The following IL31RA variants were observed in gnomAD, a reference collection of about 807,000 sequenced individuals.
The protein encoded by IL31RA is interleukin 31 receptor A, also known as interleukin-31 receptor subunit alpha.
Under a neutral mutation model 83.7 loss-of-function variants are expected in IL31RA, and 66 were observed. That is an observed-to-expected ratio of 0.79 (90% CI 0.65 to 0.97). IL31RA has a LOEUF of 0.97. Among genes scored for constraint, IL31RA ranks in the 50% least tolerant of loss-of-function variants. The pLI is 0.00. For missense variants in IL31RA, 798 were observed against 919.4 expected (o/e 0.87, Z 1.71); for synonymous variants, 325 against 329.0 (o/e 0.99, Z 0.13).
intron 8 of IL31RA, among the ~76,000 whole-genome samples, chr5:55,900,819 TTAC>T (rs1748762821): frequency 6.6e-6 from 1 of 152,246 alleles, no homozygotes; most frequent in African/African-American, 2.4e-5. Context: ...CTTATTTATT[TTAC>T]TACCTTTTTC....
At chr5:55,867,287 G>T (rs879429956) in intron 2 of IL31RA, among the ~76,000 whole-genome samples, 7,940 of 118,904 alleles carry the variant, frequency 0.067, 549 homozygotes, top group African/African-American at 0.21. Flanking sequence ...GCATGTGTGT[G>T]TGCATGTGTG....
At chr5:55,859,013 A>G (rs1198109984) in intron 1 of IL31RA, among the ~76,000 whole-genome samples, 2 of 152,236 alleles carry the variant, frequency 1.3e-5, no homozygotes, top group East Asian at 3.9e-4. Context: ...GCGGGAATTC[A>G]GAGAGGGCGT....
At chr5:55,847,578 TC>T (rs920897618), upstream of IL31RA, among the ~76,000 whole-genome samples, 1 of 152,014 alleles carries the variant, frequency 6.6e-6, no homozygotes, top group African/African-American at 2.4e-5. Flanking sequence ...CAAGACTCTG[TC>T]CCCCGCCAAA....
chr5:55,906,894 T>G (rs928446010), intron 9 of IL31RA, among the ~76,000 whole-genome samples: 5 of 152,110 alleles, frequency 3.3e-5, no homozygotes, highest in African/African-American at 1.2e-4. Flanking sequence ...TAATGAGGCT[T>G]TACCCTTTTA....
Position 55,910,641 on chromosome 5 carries a change from G to C in IL31RA, c.1611G>C (p.Gly537=). Reference sequence around the variant, plus strand: ...GCACCAGTGCTGGGGGAACCAACGGGACCAGCATAAATTTCAAGACATTGT... The same window carrying C: ...GCACCAGTGCTGGGGGAACCAACGGCACCAGCATAAATTTCAAGACATTGT... The part of the protein sequence containing the change: ...MASTSAGGTN[G]TSINFKTLSF... The change falls in exon 12 of 15, where the codon GGG becomes GGC. Residue 537 remains glycine, a synonymous_variant. Transcript: ENST00000652347. 6.2e-7 allele frequency: 1 copy of C among 1,614,148 alleles called. No homozygotes were observed. Among genetic ancestry groups the C allele is most frequent in the Non-Finnish European group, 8.5e-7 (1 of 1,180,008 alleles).
chr5:55,906,088 C>A lies in IL31RA; in HGVS notation c.1070-18C>A. On this transcript the variant is annotated intron_variant, in intron 8 of 14. Coordinates refer to ENST00000652347, the MANE Select transcript of IL31RA (RefSeq NM_139017.7). Reference sequence around the variant, plus strand: ...ATGAGTTGGGTAGCTGTGAAGCAGTCCTTTTCTCTCCTTTCAGCATTTCAG... The same window carrying A: ...ATGAGTTGGGTAGCTGTGAAGCAGTACTTTTCTCTCCTTTCAGCATTTCAG... 6.2e-7 allele frequency: 1 copy of A among 1,612,656 alleles called. No homozygotes were observed. The highest frequency in any genetic ancestry group is 1.1e-5 in the South Asian group (1 of 91,050).
chr5:55,841,074 G>A, the IL31RA span, among the ~76,000 whole-genome samples: 1 of 152,114 alleles, frequency 6.6e-6, no homozygotes, highest in South Asian at 2.1e-4. Context: ...CTCCATGGGG[G>A]GATGTAAATG....
chr5:55,911,004 G>A (rs562074279), intron 12 of IL31RA, among the ~76,000 whole-genome samples: 72 of 152,258 alleles, frequency 4.7e-4, no homozygotes, highest in African/African-American at 1.6e-3. Context: ...CTGTCTCCCC[G>A]TTCATAGTCA....
At chr5:55,858,160 T>G (rs1745465391) in intron 1 of IL31RA, among the ~76,000 whole-genome samples, 1 of 152,182 alleles carries the variant, frequency 6.6e-6, no homozygotes, top group Admixed American at 6.5e-5. Flanking sequence ...ATTGATAGGA[T>G]TTTAAATGCA....
intron 4 of IL31RA, among the ~76,000 whole-genome samples, chr5:55,876,883 T>C (rs1021169690): frequency 2.6e-5 from 4 of 152,186 alleles, no homozygotes; most frequent in Non-Finnish European, 5.9e-5. Flanking sequence ...GCATAAGCCC[T>C]TGTGCCCAGC....
chr5:55,915,407 AG>A (rs1186690483), intron 14 of IL31RA, among the ~76,000 whole-genome samples: 2 of 152,234 alleles, frequency 1.3e-5, no homozygotes, highest in Non-Finnish European at 2.9e-5. Context: ...CGTCAGAGTC[AG>A]GCTTTATTTA....
rs2112543393 is a variant in IL31RA at position 55,903,863 on chromosome 5, A to G, written c.1070-2243A>G. 6.6e-6 allele frequency among the ~76,000 whole-genome samples: 1 copy of G among 152,244 alleles called. No individual in the cohort carries two copies. The highest frequency in any genetic ancestry group is 1.5e-5 in the Non-Finnish European group (1 of 68,012). On this transcript the variant is annotated intron_variant, in intron 8 of 14. Transcript: ENST00000652347. This position sits in a 1 kb window ranked among gnomAD's most constrained non-coding sequence, Gnocchi z 4.7. ...GGGGGGCTTCAAACAACAGAACTTT[A>G]TTGTCTCATGGTCCTGGAGGCCAGA...
At chr5:55,890,716 A>G (rs1211942987) in intron 6 of IL31RA, among the ~76,000 whole-genome samples, 3 of 152,214 alleles carry the variant, frequency 2.0e-5, no homozygotes, top group African/African-American at 7.2e-5. Flanking sequence ...AAAGATACAT[A>G]TTGTGAATCC....
At chr5:55,897,901 A>C (rs1748520910) in intron 7 of IL31RA, among the ~76,000 whole-genome samples, 1 of 152,246 alleles carries the variant, frequency 6.6e-6, no homozygotes. Flanking sequence ...AGGCAAGTTC[A>C]AAATCCTGTT....
rs1384121141 is a variant in IL31RA at position 55,921,077 on chromosome 5, GGCCTGAACT to G, written c.*3958_*3966del. Among the ~76,000 whole-genome samples the G allele has an allele frequency of 1.3e-5, 2 of 151,508 alleles. No homozygotes were observed. The highest frequency in any genetic ancestry group is 4.9e-5 in the African/African-American group (2 of 41,164). ...AGCAGTGCTGAGGCTGAGAAGTCGTGGCCTGAACTACCCTCTGCCTTCTAGATCCACACA... is the reference window on the plus strand; with the variant it reads ...AGCAGTGCTGAGGCTGAGAAGTCGTGACCCTCTGCCTTCTAGATCCACACA... On this transcript the variant is annotated 3_prime_UTR_variant, in exon 15 of 15. Coordinates refer to ENST00000652347, the MANE Select transcript of IL31RA (RefSeq NM_139017.7).
At chr5:55,885,734 T>TC (rs1169815348) in intron 5 of IL31RA, among the ~76,000 whole-genome samples, 1 of 152,090 alleles carries the variant, frequency 6.6e-6, no homozygotes, top group Non-Finnish European at 1.5e-5. Context: ...TGGCCACTTC[T>TC]CCCCCCAGCT....
rs1554085243 is a variant in IL31RA at position 55,867,189 on chromosome 5, T to TTGTGTGTGCA, written c.155-1594_155-1593insCATGTGTGTG. Among the ~76,000 whole-genome samples the TTGTGTGTGCA allele has an allele frequency of 7.6e-3, 238 of 31,250 alleles. 1 individual carries two copies. The highest frequency in any genetic ancestry group is 0.032 in the African/African-American group (213 of 6,566). 20.5% of individuals were successfully genotyped at this position (31,250 alleles called of 152,430 possible). ...TGTGCATGTGTGTGTGCATGTGTGTTTGTGTGTGTTTGTGTGTGTGCGCAT... is the reference window on the plus strand; with the variant it reads ...TGTGCATGTGTGTGTGCATGTGTGTTTGTGTGTGCATGTGTGTGTTTGTGTGTGTGCGCAT... On this transcript the variant is annotated intron_variant, in intron 2 of 14. Transcript: ENST00000652347.
chr5:55,839,832 CA>C, the IL31RA span: 1 of 756,948 alleles, frequency 1.3e-6, no homozygotes, highest in South Asian at 1.4e-5. Flanking sequence ...AATTTGACTT[CA>C]TTTTCTGATT....
At position 55,881,825 on chromosome 5, in the gene IL31RA, T is replaced by C. The variant is rs555584543; in HGVS notation, c.455-1219T>C. Among the ~76,000 whole-genome samples, 11 of 149,628 alleles carry C rather than the reference T, an allele frequency of 7.4e-5. No individual in the cohort carries two copies. The East Asian group carries it at 2.2e-3, about 29-fold the overall frequency. The stretch of plus-strand genomic sequence containing the variant: ...CCTCTGCCTACTGGGTTCAAGTGAT[T>C]TTCCTGCCTCCTGAGTAGCTGGGAT... On this transcript the variant is annotated intron_variant, in intron 4 of 14. Coordinates refer to ENST00000652347, the MANE Select transcript of IL31RA (RefSeq NM_139017.7).
Sources: gnomAD v4.1 joint callset for allele counts (sites outside exome capture counted in the v4.1 genomes callset) on GRCh38, gnomAD v4.1.1 for gene constraint, Gnocchi (gnomAD v3.1) non-coding constraint, MANE v1.5 for transcripts, NCBI Gene and HGNC (gene_info 2026-07-23, HGNC 2026-07-21) for gene names.